The following PPP1R3A variants were observed in gnomAD, a reference collection of about 807,000 sequenced individuals.
PPP1R3A encodes the protein RG1.
In PPP1R3A, 29 loss-of-function variants were observed where a neutral mutation model predicts 41.7. The observed-to-expected ratio is 0.70, with a 90% CI of 0.52 to 0.95. PPP1R3A has a LOEUF of 0.95. Among genes scored for constraint, PPP1R3A ranks in the 40% least tolerant of loss-of-function variants. The pLI, the probability that PPP1R3A is intolerant of heterozygous loss-of-function variation, is 0.00. For missense variants in PPP1R3A, 1,352 were observed against 1,292.4 expected (o/e 1.05, Z -0.71); for synonymous variants, 485 against 453.4 (o/e 1.07, Z -0.89).
At chr7:113,884,564 T>C (rs897959851) in intron 1 of PPP1R3A, among the ~76,000 whole-genome samples, 2 of 152,052 alleles carry the variant, frequency 1.3e-5, no homozygotes, top group African/African-American at 2.4e-5. Flanking sequence ...TGGCTACCAA[T>C]TGGATTTAGA....
At chr7:113,912,717 CT>C (rs1562926816) in intron 1 of PPP1R3A, among the ~76,000 whole-genome samples, 1 of 151,898 alleles carries the variant, frequency 6.6e-6, no homozygotes, top group Admixed American at 6.6e-5. Context: ...CTTTTCTTTT[CT>C]TTTTTTGCCA....
At position 113,878,988 on chromosome 7, in the gene PPP1R3A, ATTC is replaced by A. The variant is rs1376934287; in HGVS notation, c.2101_2103del (p.Glu701del). 1 of 1,613,316 alleles carries A rather than the reference ATTC, an allele frequency of 6.2e-7. No homozygotes were observed. Among genetic ancestry groups the A allele is most frequent in the Non-Finnish European group, 8.5e-7 (1 of 1,179,826 alleles). ...CACACTGTTTCTTGGCAGGTAAACAATTCTTCTGTAGTAGCTTTCAAACTCCTC... is the reference window on the plus strand; with the variant it reads ...CACACTGTTTCTTGGCAGGTAAACAATTCTGTAGTAGCTTTCAAACTCCTC... On this transcript the variant is annotated inframe_deletion, in exon 4 of 4. Transcript: ENST00000284601.
At chr7:113,896,606 G>T (rs1007425266) in intron 1 of PPP1R3A, among the ~76,000 whole-genome samples, 1 of 151,808 alleles carries the variant, frequency 6.6e-6, no homozygotes, top group Admixed American at 6.6e-5. Context: ...TGGACTGAAG[G>T]TGGGTGGGGA....
intron 1 of PPP1R3A, among the ~76,000 whole-genome samples, chr7:113,909,835 T>C (rs754882801): frequency 6.6e-6 from 1 of 152,086 alleles, no homozygotes. Flanking sequence ...CGTAAGTGGC[T>C]ACATTAAAGT....
chr7:113,900,002 A>T (rs1364420531), intron 1 of PPP1R3A, among the ~76,000 whole-genome samples: 1 of 151,836 alleles, frequency 6.6e-6, no homozygotes, highest in African/African-American at 2.4e-5. Flanking sequence ...TACTAAGTCT[A>T]TAAAACAATT....
chr7:113,877,562 A>T lies in PPP1R3A; in HGVS notation c.*161T>A. 1.4e-6 allele frequency: 1 copy of T among 732,950 alleles called. No homozygotes were observed. The highest frequency in any genetic ancestry group is 2.2e-6 in the Non-Finnish European group (1 of 459,316). The allele number at this position is 732,950 out of a possible 1,614,324, so 45.4% of individuals were successfully genotyped here. A position where few individuals can be genotyped will look rare whatever the true frequency, so the allele number is the denominator to read the frequency against. ...CAAACATAATGGTCCTATATAGAATAATTACTTATATGAAGGAGCAAACTT... is the reference window on the plus strand; with the variant it reads ...CAAACATAATGGTCCTATATAGAATTATTACTTATATGAAGGAGCAAACTT... On this transcript the variant is annotated 3_prime_UTR_variant, in exon 4 of 4. Transcript: ENST00000284601.
intron 3 of PPP1R3A, among the ~76,000 whole-genome samples, chr7:113,880,469 C>A (rs1796673070): frequency 6.6e-6 from 1 of 152,060 alleles, no homozygotes; most frequent in South Asian, 2.1e-4. Flanking sequence ...AATTAGACAG[C>A]AGCTTCCTGG....
At chr7:113,896,259 C>T (rs59847262) in intron 1 of PPP1R3A, among the ~76,000 whole-genome samples, 22,236 of 151,850 alleles carry the variant, frequency 0.15, 2,140 homozygotes, top group East Asian at 0.31. Context: ...TTTGTTTCTT[C>T]CATCCTCTGT....
rs537811422 is a variant in PPP1R3A at position 113,895,357 on chromosome 7, T to C, written c.783-13037A>G. ...CATTTGTTAAAAAAAACACCAGATA[T>C]CTTAAATAATTTGGACTAATAAAAT... On this transcript the variant is annotated intron_variant, in intron 1 of 3. Transcript: ENST00000284601. Among the ~76,000 whole-genome samples the C allele has an allele frequency of 4.6e-5, 7 of 152,024 alleles. No individual in the cohort carries two copies. In the South Asian group the frequency reaches 1.5e-3, roughly 32 times the overall value.
chr7:113,918,694 T>G lies in PPP1R3A; in HGVS notation c.303A>C (p.Thr101=). ...TFDLGTDIFH[T]EEYVLAPLFD... is the part of the protein sequence containing the mutation. ...ACAGTGGGGCTAAAACATATTCTTCTGTGTGGAAAATGTCCGTCCCTAAGT... is the reference window on the plus strand; with the variant it reads ...ACAGTGGGGCTAAAACATATTCTTCGGTGTGGAAAATGTCCGTCCCTAAGT... The change falls in exon 1 of 4, where the codon ACA becomes ACC. Residue 101 remains threonine (T), a synonymous_variant. Coordinates refer to ENST00000284601, the MANE Select transcript of PPP1R3A (RefSeq NM_002711.4). 1 of 1,613,788 alleles carries G rather than the reference T, an allele frequency of 6.2e-7. No homozygotes were observed. Among genetic ancestry groups the G allele is most frequent in the African/African-American group, 1.3e-5 (1 of 75,018 alleles).
chr7:113,907,625 G>C (rs1797168648), intron 1 of PPP1R3A, among the ~76,000 whole-genome samples: 2 of 151,612 alleles, frequency 1.3e-5, no homozygotes, highest in South Asian at 4.1e-4. Context: ...TGTAATAAAT[G>C]AGCTTTGAAA....
intron 1 of PPP1R3A, among the ~76,000 whole-genome samples, chr7:113,914,945 A>C (rs2129121386): frequency 6.6e-6 from 1 of 152,206 alleles, no homozygotes; most frequent in Non-Finnish European, 1.5e-5. Flanking sequence ...TGTACATTTA[A>C]TGTGATTTAT....
At chr7:113,894,811 T>C (rs1413201069) in intron 1 of PPP1R3A, among the ~76,000 whole-genome samples, 1 of 151,998 alleles carries the variant, frequency 6.6e-6, no homozygotes, top group East Asian at 1.9e-4. Flanking sequence ...ATTTGTTAAA[T>C]ATTGAGCTCT....
rs914501707 is a variant in PPP1R3A at position 113,879,730 on chromosome 7, A to G, written c.1362T>C (p.Pro454=). 10 of 1,613,272 alleles carry G rather than the reference A, an allele frequency of 6.2e-6. No individual in the cohort carries two copies. Among genetic ancestry groups the G allele is most frequent in the Non-Finnish European group, 8.5e-6 (10 of 1,179,672 alleles). Residue 454 remains proline, a synonymous_variant, in exon 4 of 4, where the codon CCT becomes CCC. Transcript: ENST00000284601. ...CCATTAGTTGATCTGAAGAGGGGCA[A>G]GGTATTTGCACTGTGCCATTGCCAT... is the stretch of plus-strand genomic sequence containing the variant. ...PAHGNGTVQI[P]CPSSDQLMAG... is the part of the protein sequence containing the mutation.
At chr7:113,883,409 T>C (rs1297461800) in intron 1 of PPP1R3A, among the ~76,000 whole-genome samples, 3 of 152,000 alleles carry the variant, frequency 2.0e-5, no homozygotes, top group African/African-American at 7.2e-5. Context: ...TCATGAGAAA[T>C]TGAAAATTCT....
chr7:113,887,713 C>T (rs1360944434), intron 1 of PPP1R3A, among the ~76,000 whole-genome samples: 1 of 152,030 alleles, frequency 6.6e-6, no homozygotes, highest in Non-Finnish European at 1.5e-5. Context: ...GAGGGAACAA[C>T]AGGTCGCCAA....
intron 3 of PPP1R3A, 63 bp from the exon 4 acceptor site, chr7:113,880,188 T>G: frequency 7.2e-7 from 1 of 1,389,050 alleles, no homozygotes; most frequent in Non-Finnish European, 1.0e-6. Flanking sequence ...TATAGTGAAT[T>G]AGATAGGTTT....
intron 1 of PPP1R3A, among the ~76,000 whole-genome samples, chr7:113,910,737 A>C (rs1797231027): frequency 6.6e-6 from 1 of 152,124 alleles, no homozygotes; most frequent in Non-Finnish European, 1.5e-5. Context: ...AGAAATGAAA[A>C]TCAGCTGGAG....
intron 1 of PPP1R3A, among the ~76,000 whole-genome samples, chr7:113,883,877 T>TA (rs1796738149): frequency 6.6e-6 from 1 of 151,952 alleles, no homozygotes; most frequent in African/African-American, 2.4e-5. Flanking sequence ...ATTTAATTCT[T>TA]AAAAAATGAT....
Sources: gnomAD v4.1 joint callset for allele counts (sites outside exome capture counted in the v4.1 genomes callset) on GRCh38, gnomAD v4.1.1 for gene constraint, MANE v1.5 for transcripts, NCBI Gene and HGNC (gene_info 2026-07-23, HGNC 2026-07-21) for gene names.